The following DCLK1 variants were observed in gnomAD, a reference collection of about 807,000 sequenced individuals.
DCLK1 encodes the protein doublecortin like kinase 1.
DCLK1 carries 16 observed loss-of-function variants against 86.2 expected under a neutral mutation model. The observed-to-expected ratio is 0.19, with a 90% confidence interval of 0.13 to 0.28. The LOEUF (loss-of-function observed/expected upper bound fraction) is 0.28, where lower values mean the gene tolerates loss of function less well. DCLK1 is among the 10% of genes least tolerant of loss of function. DCLK1 has a pLI of 1.00. For synonymous variants in DCLK1, 369 were observed against 370.5 expected, an observed-to-expected ratio of 1.00 and a Z score of 0.05; for missense variants, 590 against 940.2, an observed-to-expected ratio of 0.63 and a Z score of 4.87.
At chr13:35,990,929 A>G (rs2153143728) in intron 3 of DCLK1, among the ~76,000 whole-genome samples, 1 of 152,300 alleles carries the variant, frequency 6.6e-6, no homozygotes, top group East Asian at 1.9e-4. Context: ...AGTGTTTCAA[A>G]TTCCTGCTCT....
rs151227227 is a variant in DCLK1 at position 36,120,967 on chromosome 13, A to G, written c.376+4795T>C. Among the ~76,000 whole-genome samples the G allele has an allele frequency of 2.6e-4, 40 of 152,260 alleles. No homozygotes were observed. The East Asian group carries it at 4.3e-3, about 16-fold the overall frequency. ...GGGAATTTTGCAAATAGTGCTTAAA[A>G]CTTTAATGCTTGTACCTCTCTACCC... On this transcript the variant is annotated intron_variant, in intron 2 of 16. Coordinates refer to ENST00000360631, the MANE Select transcript of DCLK1 (RefSeq NM_001330071.2).
At chr13:36,078,008 T>G (rs1462016793) in intron 3 of DCLK1, among the ~76,000 whole-genome samples, 3 of 152,144 alleles carry the variant, frequency 2.0e-5, no homozygotes, top group Non-Finnish European at 2.9e-5. Context: ...TTTCCAAAAT[T>G]TGTATGTTAA....
intron 3 of DCLK1, among the ~76,000 whole-genome samples, chr13:36,100,755 C>T (rs902720678): frequency 6.6e-6 from 1 of 152,122 alleles, no homozygotes; most frequent in Admixed American, 6.5e-5. Context: ...ATAGGCGACA[C>T]CCCCTCAGTC....
intron 4 of DCLK1, among the ~76,000 whole-genome samples, chr13:35,906,393 T>G (rs535884181): frequency 6.6e-6 from 1 of 151,540 alleles, no homozygotes; most frequent in Non-Finnish European, 1.5e-5. Flanking sequence ...GAAAATAGAA[T>G]GAGAACAATT....
At chr13:36,062,931 G>A (rs992351428) in intron 3 of DCLK1, among the ~76,000 whole-genome samples, 1 of 152,174 alleles carries the variant, frequency 6.6e-6, no homozygotes, top group African/African-American at 2.4e-5. Context: ...CAAACTTAAT[G>A]AGTATATTTC....
chr13:35,922,918 C>T (rs1377529469), intron 4 of DCLK1, among the ~76,000 whole-genome samples: 3 of 152,154 alleles, frequency 2.0e-5, no homozygotes, highest in Non-Finnish European at 4.4e-5. Context: ...TCTCAGCGCA[C>T]CCATCTGCTT....
At chr13:35,858,141 G>A (rs1871179142) in intron 5 of DCLK1, among the ~76,000 whole-genome samples, 1 of 152,178 alleles carries the variant, frequency 6.6e-6, no homozygotes, top group Admixed American at 6.5e-5. Context: ...CAAGGAGAAT[G>A]TCAAGGTAGG....
chr13:36,019,635 A>T (rs1177003806), intron 3 of DCLK1, among the ~76,000 whole-genome samples: 1 of 152,094 alleles, frequency 6.6e-6, no homozygotes. Flanking sequence ...CACATTAACT[A>T]TGTTTCATGT....
chr13:35,897,853 T>C (rs1422353358), intron 4 of DCLK1, among the ~76,000 whole-genome samples: 1 of 152,210 alleles, frequency 6.6e-6, no homozygotes, highest in Non-Finnish European at 1.5e-5. Context: ...CTGTACTTGA[T>C]AGTCGTACTT....
intron 3 of DCLK1, among the ~76,000 whole-genome samples, chr13:35,987,701 A>G (rs993507900): frequency 1.1e-4 from 17 of 152,202 alleles, no homozygotes; most frequent in African/African-American, 4.1e-4. Context: ...GGCTGAGAGA[A>G]GACACCTAAC....
At position 35,812,169 on chromosome 13, in the gene DCLK1, A is replaced by T. The variant is rs547120872; in HGVS notation, c.1555-1201T>A. Among the ~76,000 whole-genome samples, 14 of 152,358 alleles carry T rather than the reference A, an allele frequency of 9.2e-5. No individual in the cohort carries two copies. The South Asian group carries it at 2.9e-3, about 32-fold the overall frequency. On this transcript the variant is annotated intron_variant, in intron 11 of 16. Coordinates refer to ENST00000360631, the MANE Select transcript of DCLK1 (RefSeq NM_001330071.2). The stretch of plus-strand genomic sequence containing the variant: ...TTCCAGCCACGATCAAAACAAATGG[A>T]GCTGCTCTAAAAAGTATCCCAAATA...
chr13:35,886,887 T>C (rs1182022411), intron 4 of DCLK1, among the ~76,000 whole-genome samples: 7 of 152,184 alleles, frequency 4.6e-5, no homozygotes, highest in Non-Finnish European at 1.0e-4. Context: ...AGGTTCAATA[T>C]GACTAAAAGG....
intron 3 of DCLK1, among the ~76,000 whole-genome samples, chr13:35,964,084 A>G (rs978393528): frequency 7.9e-5 from 12 of 152,228 alleles, no homozygotes; most frequent in Non-Finnish European, 1.6e-4. Context: ...TATCTTTTTC[A>G]GATTAAAACT....
chr13:35,910,050 A>C (rs1228143769), intron 4 of DCLK1, among the ~76,000 whole-genome samples: 4 of 152,108 alleles, frequency 2.6e-5, no homozygotes, highest in Non-Finnish European at 4.4e-5. Flanking sequence ...CTATATCCTG[A>C]GGTTACTCAG....
intron 3 of DCLK1, among the ~76,000 whole-genome samples, chr13:36,102,189 CTTT>C (rs60965913): frequency 1.4e-3 from 188 of 138,432 alleles, no homozygotes; most frequent in Non-Finnish European, 1.7e-3. Flanking sequence ...CTAGTCTAAT[CTTT>C]TTTTTTTTTT....
At chr13:35,966,577 G>A (rs950981595) in intron 3 of DCLK1, among the ~76,000 whole-genome samples, 27 of 137,954 alleles carry the variant, frequency 2.0e-4, no homozygotes, top group African/African-American at 6.7e-4. Context: ...CTGTACTGCC[G>A]CCATCTCGAC....
chr13:35,910,582 A>T (rs1874957672), intron 4 of DCLK1, among the ~76,000 whole-genome samples: 1 of 152,330 alleles, frequency 6.6e-6, no homozygotes, highest in African/African-American at 2.4e-5. Flanking sequence ...TTAAAACCGA[A>T]CATGTCTGGG....
chr13:36,110,643 A>T (rs1885578288), intron 3 of DCLK1, among the ~76,000 whole-genome samples: 1 of 152,054 alleles, frequency 6.6e-6, no homozygotes, highest in South Asian at 2.1e-4. Flanking sequence ...TAATTCATGG[A>T]TCATTTTAAT....
chr13:35,978,020 C>T (rs1230287231), intron 3 of DCLK1, among the ~76,000 whole-genome samples: 1 of 151,988 alleles, frequency 6.6e-6, no homozygotes, highest in Non-Finnish European at 1.5e-5. Context: ...AGCAGAATGT[C>T]ATTGTCCCTG....
Sources: allele counts gnomAD v4.1 joint callset (sites outside exome capture counted in the v4.1 genomes callset), GRCh38; gene constraint gnomAD v4.1.1; transcripts MANE v1.5; gene names NCBI Gene and HGNC (gene_info 2026-07-23, HGNC 2026-07-21).